The following EXOC2 variants were observed in gnomAD, a reference collection of about 807,000 sequenced individuals.
EXOC2 encodes the protein SEC5-like 1.
Under a neutral mutation model 131.8 loss-of-function variants are expected in EXOC2, and 70 were observed. The ratio of observed to expected loss-of-function variants is 0.53; its 90% CI spans 0.44 to 0.65. The LOEUF (loss-of-function observed/expected upper bound fraction) is 0.65. Ranked by LOEUF, EXOC2 falls within the 30% of genes least tolerant of loss-of-function variation. The probability of loss-of-function intolerance (pLI) is 0.00; values close to 1 mark genes in which losing one functional copy is unlikely to be tolerated. For synonymous variants in EXOC2, 411 were observed against 398.4 expected, an observed-to-expected ratio of 1.03 and a Z score of -0.38; for missense variants, 923 against 1,108.6, an observed-to-expected ratio of 0.83 and a Z score of 2.38.
chr6:690,300 G>C (rs1764858134), intron 1 of EXOC2, among the ~76,000 whole-genome samples: 1 of 152,170 alleles, frequency 6.6e-6, no homozygotes, highest in Non-Finnish European at 1.5e-5. Flanking sequence ...AGGCTGCAGT[G>C]TGTTGTGACT....
At chr6:692,842 T>TGCGGGGCTGGGAACCGCGGGGGGTC (rs1765010565) in intron 1 of EXOC2, among the ~76,000 whole-genome samples, 177 bp downstream of exon 1, 1 of 150,066 alleles carries the variant, frequency 6.7e-6, no homozygotes, top group African/African-American at 2.4e-5. Context: ...GGATGGGGGC[T>TGCGGGGCTGGGAACCGCGGGGGGTC]GCGGGGCTGG....
intron 21 of EXOC2, among the ~76,000 whole-genome samples, chr6:549,927 C>T (rs1757056965): frequency 6.6e-6 from 1 of 152,218 alleles, no homozygotes; most frequent in South Asian, 2.1e-4. Flanking sequence ...GGAAGGGGTA[C>T]AAGCCAGTTA....
intron 23 of EXOC2, among the ~76,000 whole-genome samples, chr6:514,141 G>C (rs1389977498): frequency 1.3e-5 from 2 of 152,196 alleles, no homozygotes; most frequent in Non-Finnish European, 1.5e-5. Context: ...GGGTGTGATA[G>C]GTCTTCTCTG....
chr6:690,140 C>A (rs9504779), intron 1 of EXOC2, among the ~76,000 whole-genome samples: 22,021 of 152,064 alleles, frequency 0.14, 1,767 homozygotes, highest in African/African-American at 0.21. Flanking sequence ...GCATCACTTG[C>A]ATTCAGGAGT....
At chr6:630,130 T>A (rs1228038905) in intron 3 of EXOC2, among the ~76,000 whole-genome samples, 169 bp from the exon 4 acceptor site, 1 of 152,196 alleles carries the variant, frequency 6.6e-6, no homozygotes, top group East Asian at 1.9e-4. Flanking sequence ...ACTAGTAGTT[T>A]AATTATAAGC....
chr6:518,673 C>A (rs1765295705), intron 23 of EXOC2, among the ~76,000 whole-genome samples: 1 of 152,106 alleles, frequency 6.6e-6, no homozygotes, highest in African/African-American at 2.4e-5. Context: ...TTTTACAGCA[C>A]TGACTCTAAT....
chr6:501,041 T>C (rs1329795008), intron 23 of EXOC2, among the ~76,000 whole-genome samples: 1 of 140,270 alleles, frequency 7.1e-6, no homozygotes, highest in Non-Finnish European at 1.5e-5. Context: ...TATAGAGACA[T>C]ATAGATATAC....
In EXOC2 at chr6:637,771, A is replaced by C; in HGVS notation, c.48T>G (p.Asn16Lys). 6.2e-7 allele frequency: 1 copy of C among 1,613,878 alleles called. No homozygotes were observed. The highest frequency in any genetic ancestry group is 8.5e-7 in the Non-Finnish European group (1 of 1,179,900). ...QPPLVTGISP[N>K]EGIPWTKVTI... ...TGACCTTCGTCCATGGTATCCCTTC[A>C]TTTGGAGAGATGCCGGTCACAAGGG... is the stretch of plus-strand genomic sequence containing the variant. The change falls in exon 2 of 28, where the codon AAT (asparagine) becomes AAG (lysine). Residue 16 changes from asparagine (N) to lysine (K), a missense_variant. By Grantham distance (94) the Asn-to-Lys change is moderately conservative. Transcript: ENST00000230449.
intron 27 of EXOC2, 80 bp from the exon 28 acceptor site, chr6:486,844 G>T: frequency 9.5e-7 from 1 of 1,055,090 alleles, no homozygotes; most frequent in Non-Finnish European, 1.5e-6. Context: ...GGGAGCCAGT[G>T]CCCGGCTCTG....
chr6:488,811 C>T (rs993906290), intron 27 of EXOC2, among the ~76,000 whole-genome samples, 168 bp downstream of exon 27: 5 of 152,176 alleles, frequency 3.3e-5, no homozygotes, highest in African/African-American at 9.7e-5. Flanking sequence ...TTACAGGTGA[C>T]GAGATGTACC....
At chr6:611,318 C>T (rs558881841) in intron 6 of EXOC2, among the ~76,000 whole-genome samples, 3 of 152,350 alleles carry the variant, frequency 2.0e-5, no homozygotes, top group East Asian at 3.9e-4. Context: ...ACACCTGGCA[C>T]CCACTGCAGC....
intron 1 of EXOC2, among the ~76,000 whole-genome samples, chr6:684,038 T>C (rs933864587): frequency 1.3e-5 from 2 of 152,188 alleles, no homozygotes; most frequent in African/African-American, 2.4e-5. Flanking sequence ...TGTTGCTCTC[T>C]CTCTCATCCA....
chr6:618,706 G>A (rs770355384), intron 5 of EXOC2, among the ~76,000 whole-genome samples: 25 of 152,184 alleles, frequency 1.6e-4, no homozygotes, highest in Non-Finnish European at 2.9e-4. Context: ...TTTATCCTGT[G>A]TATTAAAATG....
intron 11 of EXOC2, among the ~76,000 whole-genome samples, chr6:587,248 A>AT (rs199775367): frequency 0.16 from 24,036 of 145,722 alleles, 2,019 homozygotes; most frequent in South Asian, 0.24. Flanking sequence ...AGATATGTGT[A>AT]TTTTTTTTTT....
chr6:614,687 A>C (rs1190263640), intron 6 of EXOC2, among the ~76,000 whole-genome samples: 1 of 152,230 alleles, frequency 6.6e-6, no homozygotes, highest in African/African-American at 2.4e-5. Flanking sequence ...AAAAGCCGAC[A>C]GAATCCAAAT....
At chr6:564,398 C>T in intron 15 of EXOC2, 147 bp downstream of exon 15, 1 of 1,214,274 alleles carries the variant, frequency 8.2e-7, no homozygotes. Flanking sequence ...AGGAGCTTAG[C>T]TGTCAGATGA....
chr6:657,510 C>T (rs1763188630), intron 1 of EXOC2, among the ~76,000 whole-genome samples: 2 of 152,314 alleles, frequency 1.3e-5, no homozygotes, highest in African/African-American at 2.4e-5. Context: ...GGAGTTATAA[C>T]ACAAATGACA....
chr6:689,842 T>C (rs1199345424), intron 1 of EXOC2, among the ~76,000 whole-genome samples: 1 of 152,126 alleles, frequency 6.6e-6, no homozygotes, highest in African/African-American at 2.4e-5. Flanking sequence ...ATAAGACAAG[T>C]GCTAGGTGGT....
intron 13 of EXOC2, among the ~76,000 whole-genome samples, chr6:570,881 A>G (rs377052620): frequency 6.6e-6 from 1 of 152,242 alleles, no homozygotes; most frequent in East Asian, 1.9e-4. Context: ...GTTTAGGGAC[A>G]GAGCAGACAC....
Sources: gnomAD v4.1 joint callset for allele counts (sites outside exome capture counted in the v4.1 genomes callset) on GRCh38, gnomAD v4.1.1 for gene constraint, MANE v1.5 for transcripts, NCBI Gene and HGNC (gene_info 2026-07-23, HGNC 2026-07-21) for gene names.